The following CCDC90B variants were observed in gnomAD, a reference collection of about 807,000 sequenced individuals.
CCDC90B encodes coiled-coil domain containing 90B.
CCDC90B carries 24 observed loss-of-function variants against 37.0 expected under a neutral mutation model. The observed-to-expected ratio is 0.65, with a 90% CI of 0.47 to 0.91. The LOEUF is 0.91. Among genes scored for constraint, CCDC90B ranks in the 40% least tolerant of loss-of-function variants. The pLI is 0.00. For missense variants in CCDC90B, 319 were observed against 299.0 expected (o/e 1.07, Z -0.49); for synonymous variants, 113 against 101.1 (o/e 1.12, Z -0.71).
intron 1 of CCDC90B, among the ~76,000 whole-genome samples, chr11:83,281,712 A>G (rs1865393868): frequency 6.6e-6 from 1 of 152,154 alleles, no homozygotes; most frequent in Admixed American, 6.5e-5. Flanking sequence ...TTCAATAACA[A>G]CTGCATTAGG....
chr11:83,273,609 G>T (rs1320774129), intron 7 of CCDC90B, 38 bp downstream of exon 7: 3 of 1,470,424 alleles, frequency 2.0e-6, no homozygotes, highest in Non-Finnish European at 2.8e-6. Context: ...CAAGGCACAA[G>T]AACTGTACAA....
intron 7 of CCDC90B, among the ~76,000 whole-genome samples, chr11:83,268,550 A>G (rs2135602032): frequency 6.6e-6 from 1 of 152,354 alleles, no homozygotes; most frequent in South Asian, 2.1e-4. Flanking sequence ...TTCAACAAGA[A>G]GAGCTAATTA....
intron 6 of CCDC90B, 27 bp from the exon 7 acceptor site, chr11:83,273,727 T>TA (rs60237170): frequency 0.05 from 78,809 of 1,573,832 alleles, 1,606 homozygotes; most frequent in South Asian, 0.13. Flanking sequence ...AGCAGGAAGT[T>TA]AAAAAAAAAG....
chr11:83,278,691 G>A, intron 3 of CCDC90B, 35 bp downstream of exon 3: 1 of 1,311,316 alleles, frequency 7.6e-7, no homozygotes, highest in Admixed American at 1.8e-5. Context: ...ATTGTCTAAT[G>A]AAAGTATCAG....
intron 8 of CCDC90B, among the ~76,000 whole-genome samples, chr11:83,264,176 A>G (rs894889343): frequency 1.4e-4 from 21 of 152,292 alleles, no homozygotes; most frequent in Admixed American, 1.2e-3. Context: ...ATAATAAAAA[A>G]CTGAAGGGAG....
chr11:83,278,654 G>A, intron 3 of CCDC90B, 72 bp downstream of exon 3: 2 of 999,994 alleles, frequency 2.0e-6, no homozygotes, highest in Non-Finnish European at 3.1e-6. Context: ...AAGGTCAGTA[G>A]GTAGACAGAG....
intron 4 of CCDC90B, 60 bp downstream of exon 4, chr11:83,274,579 A>T (rs1355575185): frequency 1.0e-6 from 1 of 959,800 alleles, no homozygotes; most frequent in Non-Finnish European, 1.6e-6. Context: ...TTATTCCTTA[A>T]GTAGGATGCT....
At chr11:83,274,439 T>A (rs925605438) in intron 4 of CCDC90B, 200 bp downstream of exon 4, 1 of 367,422 alleles carries the variant, frequency 2.7e-6, no homozygotes, top group African/African-American at 2.1e-5. Context: ...TAACTCTTAT[T>A]CTCTTCAGTA....
intron 4 of CCDC90B, chr11:83,274,339 G>A (rs188345455): frequency 7.8e-5 from 21 of 269,826 alleles, no homozygotes; most frequent in South Asian, 7.0e-4. Context: ...AGAAAATGCC[G>A]TATTACTCTC....
rs1166184997 is a variant in CCDC90B at position 83,259,928 on chromosome 11, A to C, written c.*1983T>G. 6.6e-6 allele frequency: 1 copy of C among 152,276 alleles called. No homozygotes were observed. The highest frequency in any genetic ancestry group is 1.5e-5 in the Non-Finnish European group (1 of 68,070). 9.4% of individuals were successfully genotyped at this position (152,276 alleles called of 1,614,324 possible). A position where few individuals can be genotyped will look rare whatever the true frequency, so the allele number is the denominator to read the frequency against. The stretch of plus-strand genomic sequence containing the variant: ...GTCTCAAGCATTGCTCTACTGGGCC[A>C]GGCCTCATCCTGCAGAGGCAGAGCC... On this transcript the variant is annotated 3_prime_UTR_variant, in exon 9 of 9. Transcript: ENST00000529689.
At chr11:83,280,074 A>T in intron 2 of CCDC90B, 67 bp downstream of exon 2, 1 of 1,486,012 alleles carries the variant, frequency 6.7e-7, no homozygotes. Context: ...TAATAGTGAT[A>T]TTGTCTTAAC....
At chr11:83,273,310 G>A (rs1316996546) in intron 7 of CCDC90B, 1 of 136,146 alleles carries the variant, frequency 7.3e-6, no homozygotes. Context: ...GACTGGTCTT[G>A]AACTCCTGCC....
At chr11:83,276,562 C>T (rs1018493168) in intron 3 of CCDC90B, among the ~76,000 whole-genome samples, 1 of 152,200 alleles carries the variant, frequency 6.6e-6, no homozygotes, top group Admixed American at 6.5e-5. Context: ...GTTGGCCAGG[C>T]TGGTCTCGAA....
rs1365075156 is a variant in CCDC90B at position 83,259,367 on chromosome 11, T to C, written c.*2544A>G. 1 of 152,144 alleles carries C rather than the reference T, an allele frequency of 6.6e-6. No homozygotes were observed. Among genetic ancestry groups the C allele is most frequent in the Non-Finnish European group, 1.5e-5 (1 of 68,022 alleles). The allele number at this position is 152,144 out of a possible 1,614,324, so 9.4% of individuals were successfully genotyped here. On this transcript the variant is annotated 3_prime_UTR_variant, in exon 9 of 9. Coordinates refer to ENST00000529689, the MANE Select transcript of CCDC90B (RefSeq NM_021825.5). ...GAAGTTTCATGGAAAGGATATAGGA[T>C]CTAAAAGTAATGGGGACAGGGTATG...
intron 7 of CCDC90B, among the ~76,000 whole-genome samples, chr11:83,270,834 G>C (rs1256563684): frequency 1.3e-5 from 2 of 152,172 alleles, no homozygotes; most frequent in African/African-American, 4.8e-5. Flanking sequence ...TAAGCAAAAA[G>C]AACAAAGCTG....
At chr11:83,281,370 T>C (rs1213435884) in intron 1 of CCDC90B, among the ~76,000 whole-genome samples, 2 of 152,130 alleles carry the variant, frequency 1.3e-5, no homozygotes, top group African/African-American at 4.8e-5. Context: ...AAACCAGACA[T>C]AAATGATATT....
At chr11:83,271,764 G>A (rs189237638) in intron 7 of CCDC90B, among the ~76,000 whole-genome samples, 1 of 152,232 alleles carries the variant, frequency 6.6e-6, no homozygotes, top group Non-Finnish European at 1.5e-5. Context: ...CCCATTACTG[G>A]GTATATACCG....
At chr11:83,276,010 T>C (rs2135642712) in intron 3 of CCDC90B, among the ~76,000 whole-genome samples, 1 of 152,376 alleles carries the variant, frequency 6.6e-6, no homozygotes, top group African/African-American at 2.4e-5. Context: ...CTAATGCTAA[T>C]GTATTAATGT....
In CCDC90B at chr11:83,274,011, A is replaced by C. The variant is rs759553690; in HGVS notation, c.427-19T>G. ...TCATTTTCTAGGTACAGGAAAGATC[A>C]CATGCAATTAGCATTAAACCAAGTC... On this transcript the variant is annotated intron_variant, in intron 4 of 8. Coordinates refer to ENST00000529689, the MANE Select transcript of CCDC90B (RefSeq NM_021825.5). The C allele has an allele frequency of 5.9e-6, 9 of 1,518,652 alleles. No individual in the cohort carries two copies. The highest frequency in any genetic ancestry group is 1.4e-5 in the African/African-American group (1 of 71,716). The allele number at this position is 1,518,652 out of a possible 1,614,324, so 94.1% of individuals were successfully genotyped here. A position where few individuals can be genotyped will look rare whatever the true frequency, so the allele number is the denominator to read the frequency against.
Sources: gnomAD v4.1 joint callset for allele counts (sites outside exome capture counted in the v4.1 genomes callset) on GRCh38, gnomAD v4.1.1 for gene constraint, MANE v1.5 for transcripts, NCBI Gene and HGNC (gene_info 2026-07-23, HGNC 2026-07-21) for gene names.